The following RHAG variants were observed in gnomAD, a reference collection of about 807,000 sequenced individuals.
RHAG encodes the protein Rh associated glycoprotein, also known as ammonium transporter Rh type A.
A neutral mutation model predicts 42.4 loss-of-function variants in RHAG; 25 were observed. That is an observed-to-expected ratio of 0.59 (90% CI 0.43 to 0.82). RHAG has a LOEUF of 0.82. Among genes scored for constraint, RHAG ranks in the 40% least tolerant of loss-of-function variants. The probability of loss-of-function intolerance (pLI) is 0.00; values close to 1 mark genes in which losing one functional copy is unlikely to be tolerated. For missense variants in RHAG, 483 were observed against 504.6 expected, an observed-to-expected ratio of 0.96 and a Z score of 0.41; for synonymous variants, 182 against 177.7, an observed-to-expected ratio of 1.02 and a Z score of -0.19.
At chr6:49,635,993 A>G (rs1277472858) in intron 1 of RHAG, among the ~76,000 whole-genome samples, 1 of 152,130 alleles carries the variant, frequency 6.6e-6, no homozygotes, top group Non-Finnish European at 1.5e-5. Context: ...AGTTATTGTT[A>G]TATTAACTAT....
Position 49,622,830 on chromosome 6 carries a change from CT to C in RHAG, c.158-3469del, listed in dbSNP as rs775763178. Among the ~76,000 whole-genome samples the C allele has an allele frequency of 2.7e-4, 35 of 130,088 alleles. 1 individual carries two copies. The highest frequency in any genetic ancestry group is 3.2e-4 in the Admixed American group (4 of 12,330). The allele number at this position is 130,088 out of a possible 152,430, so 85.3% of individuals were successfully genotyped here. On this transcript the variant is annotated intron_variant, in intron 1 of 9. Coordinates refer to ENST00000371175, the MANE Select transcript of RHAG (RefSeq NM_000324.3). ...CCTTCCCCTTTGATGGAAAACCAGA[CT>C]TTTTTTTTTTTTGTTTTGTTTTGAG...
intron 1 of RHAG, among the ~76,000 whole-genome samples, chr6:49,632,924 G>A (rs1762954847): frequency 6.6e-6 from 1 of 152,098 alleles, no homozygotes; most frequent in African/African-American, 2.4e-5. Flanking sequence ...TTTGATAGGT[G>A]CTATGGAAGC....
chr6:49,617,444 TAAGCTCTATA>T (rs1290676798), intron 3 of RHAG, among the ~76,000 whole-genome samples: 5 of 152,226 alleles, frequency 3.3e-5, no homozygotes, highest in Admixed American at 6.5e-5. Context: ...CACTAGAGTG[TAAGCTCTATA>T]AAAACAGGAA....
chr6:49,612,297 G>T, intron 6 of RHAG, 100 bp downstream of exon 6: 2 of 1,319,376 alleles, frequency 1.5e-6, no homozygotes, highest in Non-Finnish European at 2.2e-6. Context: ...AAATAAAAAT[G>T]TTTATAAAAT....
At chr6:49,630,982 A>AT (rs1392313898) in intron 1 of RHAG, among the ~76,000 whole-genome samples, 4 of 152,062 alleles carry the variant, frequency 2.6e-5, no homozygotes, top group South Asian at 2.1e-4. Context: ...GTATTATTTC[A>AT]TTTTTTATGT....
chr6:49,605,667 G>A lies in RHAG; in HGVS notation c.*146C>T, dbSNP rs1774148852. The A allele has an allele frequency of 3.8e-6, 3 of 789,884 alleles. No individual in the cohort carries two copies. The highest frequency in any genetic ancestry group is 2.3e-6 in the Non-Finnish European group (1 of 437,954). 48.9% of individuals were successfully genotyped at this position (789,884 alleles called of 1,614,324 possible). On this transcript the variant is annotated 3_prime_UTR_variant, in exon 10 of 10. Coordinates refer to ENST00000371175, the MANE Select transcript of RHAG (RefSeq NM_000324.3). ...TTGGGACTTAGGATCTATTCACTCT[G>A]GTCCATACTCTCTTTGGTTACTCCC... is the stretch of plus-strand genomic sequence containing the variant.
chr6:49,619,348 G>A lies in RHAG; in HGVS notation c.172C>T (p.His58Tyr). The change falls in exon 2 of 10, where the codon CAT (histidine) becomes TAT (tyrosine). Residue 58 changes from histidine to tyrosine, a missense_variant. Transcript: ENST00000371175. Reference sequence around the variant, plus strand: ...CCAAACCCAACAAATATCATAACATGTACATCTTGGAACACTGGAAAAGAG... The same window carrying A: ...CCAAACCCAACAAATATCATAACATATACATCTTGGAACACTGGAAAAGAG... Reference protein sequence around the residue: ...FELYPLFQDVHVMIFVGFGFL... With the variant: ...FELYPLFQDVYVMIFVGFGFL... The A allele has an allele frequency of 7.4e-6, 12 of 1,613,862 alleles. No homozygotes were observed. Among genetic ancestry groups the A allele is most frequent in the Non-Finnish European group, 1.0e-5 (12 of 1,179,906 alleles).
intron 5 of RHAG, among the ~76,000 whole-genome samples, chr6:49,613,068 G>T (rs1762593397): frequency 6.8e-6 from 1 of 146,768 alleles, no homozygotes; most frequent in African/African-American, 2.6e-5. Flanking sequence ...AAGAGGAACT[G>T]ATTTTTTTTT....
In RHAG at chr6:49,605,459, G is replaced by T. The variant is rs1479862634; in HGVS notation, c.*354C>A. 2 of 288,346 alleles carry T rather than the reference G, an allele frequency of 6.9e-6. No homozygotes were observed. The highest frequency in any genetic ancestry group is 1.3e-5 in the Non-Finnish European group (2 of 150,706). The allele number at this position is 288,346 out of a possible 1,614,324, so 17.9% of individuals were successfully genotyped here. A position where few individuals can be genotyped will look rare whatever the true frequency, so the allele number is the denominator to read the frequency against. On this transcript the variant is annotated 3_prime_UTR_variant, in exon 10 of 10. Coordinates refer to ENST00000371175, the MANE Select transcript of RHAG (RefSeq NM_000324.3). ...TTTCAGTTTTATAATTTTTGGGATTGAAGACATAGTGTCTACATTAAGAAA... is the reference window on the plus strand; with the variant it reads ...TTTCAGTTTTATAATTTTTGGGATTTAAGACATAGTGTCTACATTAAGAAA...
chr6:49,609,142 G>A (rs757668287), intron 7 of RHAG, among the ~76,000 whole-genome samples: 2 of 152,198 alleles, frequency 1.3e-5, no homozygotes, highest in Non-Finnish European at 2.9e-5. Context: ...CATGTAAGTA[G>A]TTTGGTTCTC....
chr6:49,610,780 A>C (rs1762558818), intron 7 of RHAG, among the ~76,000 whole-genome samples: 1 of 152,216 alleles, frequency 6.6e-6, no homozygotes, highest in Non-Finnish European at 1.5e-5. Context: ...GCTAGGAGAC[A>C]GTTGTTTCTG....
At chr6:49,619,140 G>A (rs1762707969) in intron 2 of RHAG, 39 bp downstream of exon 2, 4 of 1,602,760 alleles carry the variant, frequency 2.5e-6, no homozygotes, top group East Asian at 2.2e-5. Flanking sequence ...TATGAATTCT[G>A]GAGGATGCAA....
At chr6:49,621,256 TCAG>T in intron 1 of RHAG, among the ~76,000 whole-genome samples, 1 of 152,244 alleles carries the variant, frequency 6.6e-6, no homozygotes, top group East Asian at 1.9e-4. Flanking sequence ...TCCCTGGCGG[TCAG>T]GAGTGCCGCC....
rs1248107172 is a variant in RHAG at position 49,632,926 on chromosome 6, T to A, written c.157+3730A>T. ...GGGTGACCAGCACTTTGATAGGTGCTATGGAAGCCAAAAACCATGGAGTAT... is the reference window on the plus strand; with the variant it reads ...GGGTGACCAGCACTTTGATAGGTGCAATGGAAGCCAAAAACCATGGAGTAT... On this transcript the variant is annotated intron_variant, in intron 1 of 9. Transcript: ENST00000371175. Among the ~76,000 whole-genome samples the A allele has an allele frequency of 2.0e-5, 3 of 152,154 alleles. No homozygotes were observed. The East Asian group carries it at 5.8e-4, about 29-fold the overall frequency.
chr6:49,630,853 A>T (rs1562020337), intron 1 of RHAG, among the ~76,000 whole-genome samples: 2 of 152,100 alleles, frequency 1.3e-5, no homozygotes, highest in Non-Finnish European at 2.9e-5. Flanking sequence ...CTATTCCCAG[A>T]CTGTCTTTTT....
chr6:49,630,164 C>G (rs1049802664), intron 1 of RHAG, among the ~76,000 whole-genome samples: 1 of 152,202 alleles, frequency 6.6e-6, no homozygotes, highest in Admixed American at 6.5e-5. Flanking sequence ...TTCTAGATAC[C>G]TTTTAAGAAT....
intron 7 of RHAG, among the ~76,000 whole-genome samples, chr6:49,608,958 A>G (rs1762520960): frequency 6.6e-6 from 1 of 152,132 alleles, no homozygotes; most frequent in African/African-American, 2.4e-5. Context: ...GATATTTTTG[A>G]TAACAAGTGT....
chr6:49,615,734 A>T lies in RHAG; in HGVS notation c.530T>A (p.Phe177Tyr). Residue 177 changes from phenylalanine (F) to tyrosine (Y), a missense_variant, in exon 4 of 10, where the codon TTT becomes TAT. Physicochemically the swap from Phe to Tyr is conservative, Grantham distance 22. Transcript: ENST00000371175. Reference protein sequence around the residue: ...DIGASMTIHAFGAYFGLAVAG... With the variant: ...DIGASMTIHAYGAYFGLAVAG... ...TACAGCCAAGCCAAAGTAGGCCCCAAAGGCATGGATCGTCATTGATGCTCC... is the reference window on the plus strand; with the variant it reads ...TACAGCCAAGCCAAAGTAGGCCCCATAGGCATGGATCGTCATTGATGCTCC... 1 of 1,614,186 alleles carries T rather than the reference A, an allele frequency of 6.2e-7. No individual in the cohort carries two copies. Among genetic ancestry groups the T allele is most frequent in the Non-Finnish European group, 8.5e-7 (1 of 1,180,030 alleles).
At chr6:49,615,437 C>T in intron 4 of RHAG, 187 bp downstream of exon 4, 2 of 611,690 alleles carry the variant, frequency 3.3e-6, no homozygotes, top group East Asian at 5.9e-5. Context: ...TTATGTTACC[C>T]AGGCTGGACT....
Sources: allele counts gnomAD v4.1 joint callset (sites outside exome capture counted in the v4.1 genomes callset), GRCh38; gene constraint gnomAD v4.1.1; transcripts MANE v1.5; gene names NCBI Gene and HGNC (gene_info 2026-07-23, HGNC 2026-07-21).